TENM2: variants seen among roughly 807,000 people sequenced by gnomAD.
TENM2 encodes the protein teneurin transmembrane protein 2, also known as teneurin-2.
In TENM2, 52 loss-of-function variants were observed where a neutral mutation model predicts 245.2. That is an observed-to-expected ratio of 0.21 (90% confidence interval 0.17 to 0.27). The LOEUF (loss-of-function observed/expected upper bound fraction) is 0.27. Ranked by LOEUF, TENM2 falls within the 10% of genes least tolerant of loss-of-function variation. TENM2 has a pLI of 1.00. For missense variants in TENM2, 3,046 were observed against 3,666.8 expected, an observed-to-expected ratio of 0.83 and a Z score of 4.37; for synonymous variants, 1,363 against 1,438.9, an observed-to-expected ratio of 0.95 and a Z score of 1.19.
intron 2 of TENM2, among the ~76,000 whole-genome samples, chr5:167,478,014 C>T (rs1767506504): frequency 6.6e-6 from 1 of 152,122 alleles, no homozygotes; most frequent in South Asian, 2.1e-4. Context: ...CTCATAATCA[C>T]CTTGCTAAAT....
the TENM2 span, among the ~76,000 whole-genome samples, chr5:167,153,701 A>G: frequency 6.6e-6 from 1 of 152,118 alleles, no homozygotes; most frequent in African/African-American, 2.4e-5. Flanking sequence ...ACACACATAT[A>G]TCCAGATCAT....
chr5:167,959,823 C>A (rs1312706961), intron 4 of TENM2, among the ~76,000 whole-genome samples: 1 of 152,130 alleles, frequency 6.6e-6, no homozygotes, highest in Admixed American at 6.5e-5. Context: ...CTATTTTTTC[C>A]TCATCTGTGT....
At chr5:167,702,423 C>T (rs1205628850) in intron 2 of TENM2, among the ~76,000 whole-genome samples, 1 of 151,920 alleles carries the variant, frequency 6.6e-6, no homozygotes, top group Non-Finnish European at 1.5e-5. Context: ...TGCCAACACA[C>T]TTGCTTATAC....
Position 167,721,879 on chromosome 5 carries a change from C to T in TENM2, c.503-154107C>T, listed in dbSNP as rs1759655303. ...TTTGACAGAAATTCCAAATGATTCCCCCCAAAATCAGAAAAACCTATTTCA... is the reference window on the plus strand; with the variant it reads ...TTTGACAGAAATTCCAAATGATTCCTCCCAAAATCAGAAAAACCTATTTCA... On this transcript the variant is annotated intron_variant, in intron 2 of 28. Transcript: ENST00000518659. Among the ~76,000 whole-genome samples, 3 of 152,286 alleles carry T rather than the reference C, an allele frequency of 2.0e-5. No homozygotes were observed. The South Asian group carries it at 6.2e-4, about 32-fold the overall frequency.
intron 10 of TENM2, among the ~76,000 whole-genome samples, chr5:168,120,080 C>T (rs112753517): frequency 0.011 from 1,742 of 152,282 alleles, 26 homozygotes; most frequent in African/African-American, 0.04. Flanking sequence ...ACATAGGGTT[C>T]CCTTGTGAAA....
intron 2 of TENM2, among the ~76,000 whole-genome samples, chr5:167,779,363 A>C (rs143722292): frequency 1.3e-4 from 20 of 152,298 alleles, no homozygotes; most frequent in Non-Finnish European, 2.5e-4. Context: ...CAAACAACAG[A>C]GATAGTATTA....
chr5:167,155,119 A>G, the TENM2 span, among the ~76,000 whole-genome samples: 2 of 152,256 alleles, frequency 1.3e-5, no homozygotes, highest in Non-Finnish European at 2.9e-5. Flanking sequence ...CCAACATTAC[A>G]TTAAGGATTC....
At chr5:167,967,037 A>G (rs191448756) in intron 4 of TENM2, 6 of 152,158 alleles carry the variant, frequency 3.9e-5, no homozygotes, top group African/African-American at 7.2e-5. Context: ...GCAGCATTTC[A>G]TGTTGCAGTG....
At chr5:167,634,791 C>T (rs1779090376) in intron 2 of TENM2, among the ~76,000 whole-genome samples, 1 of 152,026 alleles carries the variant, frequency 6.6e-6, no homozygotes, top group South Asian at 2.1e-4. Flanking sequence ...TTCATTTGTC[C>T]TCAAAAACCT....
At chr5:167,028,967 T>G in the TENM2 span, among the ~76,000 whole-genome samples, 2 of 152,198 alleles carry the variant, frequency 1.3e-5, no homozygotes, top group Non-Finnish European at 2.9e-5. Context: ...GTCTAATTTT[T>G]TTTAATGTGT....
intron 2 of TENM2, among the ~76,000 whole-genome samples, chr5:167,698,373 A>G (rs78370857): frequency 0.029 from 4,425 of 152,246 alleles, 151 homozygotes; most frequent in East Asian, 0.13. Flanking sequence ...GTGACTTGAC[A>G]TTCCCTGACC....
At chr5:167,699,736 T>A (rs75291113) in intron 2 of TENM2, among the ~76,000 whole-genome samples, 1,873 of 152,338 alleles carry the variant, frequency 0.012, 36 homozygotes, top group African/African-American at 0.043. Context: ...AGACACAGAC[T>A]GGCACTTAGT....
chr5:167,579,706 A>G (rs1359912453), intron 2 of TENM2, among the ~76,000 whole-genome samples: 1 of 152,038 alleles, frequency 6.6e-6, no homozygotes, highest in Non-Finnish European at 1.5e-5. Context: ...ATTTCTCTGT[A>G]CCTCCCTTTT....
At chr5:167,845,305 G>C (rs1769948691) in intron 2 of TENM2, among the ~76,000 whole-genome samples, 1 of 119,502 alleles carries the variant, frequency 8.4e-6, no homozygotes, top group African/African-American at 3.2e-5. Context: ...CTCTCTCTCT[G>C]AATTTTTCAG....
At chr5:168,070,891 A>T (rs1790957309) in intron 7 of TENM2, among the ~76,000 whole-genome samples, 2 of 151,638 alleles carry the variant, frequency 1.3e-5, no homozygotes, top group African/African-American at 4.8e-5. Flanking sequence ...AAGGAAGAAG[A>T]GAAAAGAAAA....
chr5:167,209,399 G>T, the TENM2 span, among the ~76,000 whole-genome samples: 38 of 151,972 alleles, frequency 2.5e-4, no homozygotes, highest in African/African-American at 8.7e-4. Flanking sequence ...AAGTAGCTGG[G>T]ATTACAGGCG....
chr5:167,449,679 C>T (rs1414976601), intron 2 of TENM2, among the ~76,000 whole-genome samples: 4 of 151,132 alleles, frequency 2.6e-5, no homozygotes, highest in Non-Finnish European at 5.9e-5. Flanking sequence ...GAAATGGGGC[C>T]AGGTGCAGTG....
chr5:167,731,200 G>GTTTTTTTTTTTTT (rs11398245), intron 2 of TENM2, among the ~76,000 whole-genome samples: 1 of 142,600 alleles, frequency 7.0e-6, no homozygotes, highest in African/African-American at 2.6e-5. Flanking sequence ...CCTCCAGACA[G>GTTTTTTTTTTTTT]TTTTTTTTTT....
intron 2 of TENM2, among the ~76,000 whole-genome samples, chr5:167,768,788 A>C (rs1188213183): frequency 6.6e-6 from 1 of 152,222 alleles, no homozygotes; most frequent in African/African-American, 2.4e-5. Flanking sequence ...TAATAAATGT[A>C]AAGCTCTTGC....
Sources: allele counts gnomAD v4.1 joint callset (sites outside exome capture counted in the v4.1 genomes callset), GRCh38; gene constraint gnomAD v4.1.1; transcripts MANE v1.5; gene names NCBI Gene and HGNC (gene_info 2026-07-23, HGNC 2026-07-21).